The following CACNA2D3 variants were observed in gnomAD, a reference collection of about 807,000 sequenced individuals.
CACNA2D3 encodes voltage-dependent calcium channel subunit alpha-2/delta-3.
A neutral mutation model predicts 160.6 loss-of-function variants in CACNA2D3; 60 were observed. The ratio of observed to expected loss-of-function variants is 0.37; its 90% CI spans 0.30 to 0.46. The LOEUF is 0.46. Among genes scored for constraint, CACNA2D3 ranks in the 20% least tolerant of loss-of-function variants. The pLI, the probability that CACNA2D3 is intolerant of heterozygous loss-of-function variation, is 1.00. For synonymous variants in CACNA2D3, 558 were observed against 492.9 expected (o/e 1.13, Z -1.75); for missense variants, 1,205 against 1,365.0 (o/e 0.88, Z 1.85).
At chr3:54,725,105 C>A (rs183673607) in intron 11 of CACNA2D3, among the ~76,000 whole-genome samples, 1 of 152,280 alleles carries the variant, frequency 6.6e-6, no homozygotes, top group African/African-American at 2.4e-5. Flanking sequence ...CACAGAAATA[C>A]AAACTACCAT....
chr3:54,597,277 G>A (rs949317561), intron 9 of CACNA2D3, among the ~76,000 whole-genome samples: 7 of 152,078 alleles, frequency 4.6e-5, no homozygotes, highest in Admixed American at 2.0e-4. Context: ...ACCTCCTTAG[G>A]GCCTCAGCAC....
intron 30 of CACNA2D3, among the ~76,000 whole-genome samples, chr3:54,985,023 A>C (rs1702585415): frequency 6.6e-6 from 1 of 152,218 alleles, no homozygotes; most frequent in Non-Finnish European, 1.5e-5. Flanking sequence ...GGGCAACTTT[A>C]AGGTTTTTTT....
intron 2 of CACNA2D3, among the ~76,000 whole-genome samples, chr3:54,287,110 C>G (rs1208992470): frequency 1.3e-5 from 2 of 151,852 alleles, no homozygotes; most frequent in Non-Finnish European, 2.9e-5. Flanking sequence ...ACTAAATGCT[C>G]CAATTAAAAG....
chr3:54,189,022 A>G (rs1700932979), intron 2 of CACNA2D3, among the ~76,000 whole-genome samples: 1 of 152,224 alleles, frequency 6.6e-6, no homozygotes, highest in Admixed American at 6.5e-5. Flanking sequence ...AAGTGAAGCC[A>G]TGGCATCTAA....
chr3:54,523,345 T>TAC (rs1701676594), intron 5 of CACNA2D3, among the ~76,000 whole-genome samples: 2 of 152,196 alleles, frequency 1.3e-5, no homozygotes, highest in African/African-American at 4.8e-5. Context: ...TGTATTAGAT[T>TAC]AATTGATTTC....
intron 11 of CACNA2D3, among the ~76,000 whole-genome samples, chr3:54,725,075 G>C (rs1213525168): frequency 6.6e-6 from 1 of 152,134 alleles, no homozygotes; most frequent in Non-Finnish European, 1.5e-5. Flanking sequence ...AAATGATATA[G>C]GGGATATCAC....
At position 54,678,706 on chromosome 3, in the gene CACNA2D3, G is replaced by A. The variant is rs541040868; in HGVS notation, c.1167+36465G>A. On this transcript the variant is annotated intron_variant, in intron 11 of 37. Coordinates refer to ENST00000474759, the MANE Select transcript of CACNA2D3 (RefSeq NM_018398.3). ...ATTGCATCCCAGCCTGGGTGACAGA[G>A]TGAGACTCGGTCTCAAAAAAAAAAA... 2.6e-3 allele frequency among the ~76,000 whole-genome samples: 264 copies of A among 100,636 alleles called. 1 individual carries two copies. The highest frequency in any genetic ancestry group is 8.7e-3 in the African/African-American group (242 of 27,718). 66.0% of individuals were successfully genotyped at this position (100,636 alleles called of 152,430 possible). A position where few individuals can be genotyped will look rare whatever the true frequency, so the allele number is the denominator to read the frequency against.
At chr3:54,203,416 G>C (rs1701212107) in intron 2 of CACNA2D3, among the ~76,000 whole-genome samples, 1 of 152,214 alleles carries the variant, frequency 6.6e-6, no homozygotes, top group Non-Finnish European at 1.5e-5. Context: ...GTGTGTTACA[G>C]GGTGCTCCTT....
intron 11 of CACNA2D3, among the ~76,000 whole-genome samples, chr3:54,693,030 A>ACCACC (rs1553788114): frequency 1.3e-5 from 2 of 151,598 alleles, no homozygotes; most frequent in East Asian, 3.9e-4. Context: ...GTAAAAAAAA[A>ACCACC]ACCACCACCA....
chr3:54,989,514 T>C (rs1702692771), intron 31 of CACNA2D3, among the ~76,000 whole-genome samples: 12 of 152,176 alleles, frequency 7.9e-5, no homozygotes, highest in Admixed American at 7.9e-4. Context: ...AGTAGAGCAT[T>C]GAGAGTTTGA....
chr3:54,722,973 G>T (rs2106992328), intron 11 of CACNA2D3, among the ~76,000 whole-genome samples: 1 of 152,356 alleles, frequency 6.6e-6, no homozygotes, highest in African/African-American at 2.4e-5. Flanking sequence ...GGACACTAAA[G>T]TCTGCTGAAG....
At chr3:55,014,017 G>A (rs1703268929) in intron 34 of CACNA2D3, among the ~76,000 whole-genome samples, 1 of 152,132 alleles carries the variant, frequency 6.6e-6, no homozygotes, top group Non-Finnish European at 1.5e-5. Flanking sequence ...ACAGCAGTGT[G>A]GGCTCCAGGA....
intron 35 of CACNA2D3, among the ~76,000 whole-genome samples, chr3:55,042,106 A>G (rs1703971041): frequency 6.6e-6 from 1 of 152,114 alleles, no homozygotes; most frequent in Non-Finnish European, 1.5e-5. Flanking sequence ...TGTGCATTTT[A>G]AAAGAATGTA....
chr3:54,364,124 C>T (rs997553821), intron 3 of CACNA2D3, among the ~76,000 whole-genome samples: 1 of 152,122 alleles, frequency 6.6e-6, no homozygotes, highest in African/African-American at 2.4e-5. Context: ...TGGGCAGACC[C>T]CAGAATGTCC....
chr3:54,302,988 T>C (rs1301679940), intron 2 of CACNA2D3, among the ~76,000 whole-genome samples: 1 of 152,044 alleles, frequency 6.6e-6, no homozygotes, highest in African/African-American at 2.4e-5. Context: ...TGGGAGTCTC[T>C]TGTCTCTGGT....
At chr3:54,655,201 A>G (rs763578963) in intron 11 of CACNA2D3, among the ~76,000 whole-genome samples, 86 of 152,308 alleles carry the variant, frequency 5.6e-4, no homozygotes, top group South Asian at 4.4e-3. Flanking sequence ...ACTATTGAGT[A>G]GGGCTCTTGG....
At chr3:54,899,986 A>G (rs141997070) in intron 27 of CACNA2D3, 118 bp downstream of exon 27, 1 of 692,608 alleles carries the variant, frequency 1.4e-6, no homozygotes, top group South Asian at 1.7e-5. Flanking sequence ...GGAGAAAACA[A>G]TTTTAAATTA....
chr3:54,670,066 A>G (rs569015684), intron 11 of CACNA2D3, among the ~76,000 whole-genome samples: 10 of 152,304 alleles, frequency 6.6e-5, no homozygotes, highest in South Asian at 6.2e-4. Flanking sequence ...TAGCTGGGGA[A>G]ACCTTGCTCT....
intron 4 of CACNA2D3, among the ~76,000 whole-genome samples, chr3:54,477,936 T>C (rs551548186): frequency 5.9e-5 from 9 of 152,324 alleles, no homozygotes; most frequent in Non-Finnish European, 1.3e-4. Context: ...TAACAGTTGC[T>C]TTCTTTCAAT....
Sources: gnomAD v4.1 joint callset for allele counts (sites outside exome capture counted in the v4.1 genomes callset) on GRCh38, gnomAD v4.1.1 for gene constraint, MANE v1.5 for transcripts, NCBI Gene and HGNC (gene_info 2026-07-23, HGNC 2026-07-21) for gene names.